Variants in ZNF148 observed in about 807,000 individuals in gnomAD.
ZNF148 encodes zinc finger protein 148, also known as Beta-Enolase Repressor Factor-1.
A neutral mutation model predicts 67.7 loss-of-function variants in ZNF148; 7 were observed. That is an observed-to-expected ratio of 0.10 (90% CI 0.06 to 0.19). ZNF148 has a LOEUF of 0.19. ZNF148 is among the 10% of genes least tolerant of loss of function. The probability of loss-of-function intolerance (pLI) is 1.00; values close to 1 mark genes in which losing one functional copy is unlikely to be tolerated. For synonymous variants in ZNF148, 333 were observed against 330.7 expected (o/e 1.01, Z -0.08); for missense variants, 583 against 947.1 (o/e 0.62, Z 5.05).
intron 7 of ZNF148, among the ~76,000 whole-genome samples, chr3:125,243,416 A>G (rs1030026468): frequency 6.6e-6 from 1 of 152,176 alleles, no homozygotes; most frequent in Non-Finnish European, 1.5e-5. Flanking sequence ...CTTGCAGAAA[A>G]TATTTTTTAA....
At chr3:125,290,794 T>C (rs1365949872) in intron 4 of ZNF148, among the ~76,000 whole-genome samples, 1 of 151,992 alleles carries the variant, frequency 6.6e-6, no homozygotes, top group African/African-American at 2.4e-5. Flanking sequence ...AGACAGCACA[T>C]GTGTCATACT....
intron 1 of ZNF148, among the ~76,000 whole-genome samples, chr3:125,361,661 T>C (rs1344008735): frequency 2.0e-5 from 3 of 152,044 alleles, no homozygotes; most frequent in Non-Finnish European, 4.4e-5. Context: ...GGTGAAACCC[T>C]GTCTCCTTTA....
At chr3:125,244,654 T>C (rs1177850481) in intron 7 of ZNF148, among the ~76,000 whole-genome samples, 5 of 152,130 alleles carry the variant, frequency 3.3e-5, no homozygotes, top group Non-Finnish European at 7.4e-5. Context: ...TGCACCACCA[T>C]GCCCAGCTTA....
At chr3:125,324,370 C>T (rs1230199373) in intron 2 of ZNF148, among the ~76,000 whole-genome samples, 1 of 151,944 alleles carries the variant, frequency 6.6e-6, no homozygotes, top group African/African-American at 2.4e-5. Context: ...ACAATAGAAA[C>T]GATTATGGTT....
chr3:125,228,599 A>C lies in ZNF148; in HGVS notation c.*3742T>G, dbSNP rs897653537. The C allele has an allele frequency of 6.6e-6, 1 of 152,644 alleles. No homozygotes were observed. Among genetic ancestry groups the C allele is most frequent in the African/African-American group, 2.4e-5 (1 of 41,460 alleles). 9.5% of individuals were successfully genotyped at this position (152,644 alleles called of 1,614,324 possible). On this transcript the variant is annotated 3_prime_UTR_variant, in exon 9 of 9. Transcript: ENST00000360647. Reference sequence around the variant, plus strand: ...AAGCAGTACTGTGATTTGTTTGTACATATTTACAGATTCTTAAAAACAAGC... The same window carrying C: ...AAGCAGTACTGTGATTTGTTTGTACCTATTTACAGATTCTTAAAAACAAGC...
At chr3:125,304,343 T>A (rs1010572055) in intron 4 of ZNF148, among the ~76,000 whole-genome samples, 2 of 151,930 alleles carry the variant, frequency 1.3e-5, no homozygotes, top group Non-Finnish European at 1.5e-5. Context: ...AAAAGCTAAG[T>A]GGGGTGAAGA....
intron 4 of ZNF148, among the ~76,000 whole-genome samples, chr3:125,302,435 T>G (rs371532126): frequency 1.3e-5 from 2 of 151,690 alleles, no homozygotes; most frequent in Non-Finnish European, 2.9e-5. Context: ...AACCCAGACC[T>G]GCCCTTTACC....
chr3:125,250,208 G>A (rs1249947061), intron 7 of ZNF148, among the ~76,000 whole-genome samples: 1 of 152,184 alleles, frequency 6.6e-6, no homozygotes, highest in Admixed American at 6.5e-5. Flanking sequence ...ATGTTCATTA[G>A]TTTGACTGTG....
chr3:125,373,799 A>G (rs1472137278), intron 1 of ZNF148, among the ~76,000 whole-genome samples: 1 of 152,224 alleles, frequency 6.6e-6, no homozygotes, highest in East Asian at 1.9e-4. Context: ...CACCAGCCAC[A>G]GATTTATGGA....
intron 1 of ZNF148, among the ~76,000 whole-genome samples, chr3:125,372,427 A>T (rs968433056): frequency 3.3e-5 from 5 of 152,260 alleles, no homozygotes; most frequent in Admixed American, 3.3e-4. Flanking sequence ...ATCAAAGGTC[A>T]GAAAGGAGGA....
In ZNF148 at chr3:125,322,605, G is replaced by A. The variant is rs112904609; in HGVS notation, c.-17+704C>T. 4.7e-4 allele frequency among the ~76,000 whole-genome samples: 71 copies of A among 152,068 alleles called. 1 individual carries two copies. Among genetic ancestry groups the A allele is most frequent in the African/African-American group, 1.6e-3 (67 of 41,478 alleles). Reference sequence around the variant, plus strand: ...AGCAGACACAATGGTAACCATCCTCGCCCACAATACAGAAACTGCATAGAA... The same window carrying A: ...AGCAGACACAATGGTAACCATCCTCACCCACAATACAGAAACTGCATAGAA... On this transcript the variant is annotated intron_variant, in intron 3 of 8. Transcript: ENST00000360647.
chr3:125,279,494 G>A (rs979388103), intron 5 of ZNF148, among the ~76,000 whole-genome samples: 7 of 151,982 alleles, frequency 4.6e-5, no homozygotes, highest in South Asian at 2.1e-4. Context: ...ATCTCATCAC[G>A]GCCTTCTCCT....
chr3:125,259,573 A>G (rs781299654), intron 7 of ZNF148, among the ~76,000 whole-genome samples: 1 of 152,236 alleles, frequency 6.6e-6, no homozygotes, highest in Non-Finnish European at 1.5e-5. Flanking sequence ...TGCATGTAAA[A>G]CATGTAAAAG....
At chr3:125,326,671 G>GTATA (rs149041632) in intron 2 of ZNF148, among the ~76,000 whole-genome samples, 13 of 145,010 alleles carry the variant, frequency 9.0e-5, no homozygotes, top group African/African-American at 3.3e-4. Flanking sequence ...ATATATATGA[G>GTATA]TATATATATA....
At chr3:125,331,554 C>T (rs1257918113) in intron 1 of ZNF148, among the ~76,000 whole-genome samples, 1 of 152,100 alleles carries the variant, frequency 6.6e-6, no homozygotes, top group East Asian at 1.9e-4. Context: ...AATATCATAA[C>T]ATAGGAAGGA....
intron 7 of ZNF148, among the ~76,000 whole-genome samples, chr3:125,262,193 T>C (rs999518337): frequency 1.3e-5 from 2 of 152,250 alleles, no homozygotes; most frequent in Non-Finnish European, 2.9e-5. Context: ...TGTGATTTTA[T>C]CAAGCATTAT....
rs1489502762 is a variant in ZNF148 at position 125,229,655 on chromosome 3, ATG to A, written c.*2684_*2685del. 6.6e-6 allele frequency: 1 copy of A among 152,174 alleles called. No homozygotes were observed. The highest frequency in any genetic ancestry group is 1.5e-5 in the Non-Finnish European group (1 of 68,024). 9.4% of individuals were successfully genotyped at this position (152,174 alleles called of 1,614,324 possible). A position where few individuals can be genotyped will look rare whatever the true frequency, so the allele number is the denominator to read the frequency against. ...ATCAAAAGTTTAAGGGTGTACCAGCATGTTTTTATAGAACAATGTGCTCACTT... is the reference window on the plus strand; with the variant it reads ...ATCAAAAGTTTAAGGGTGTACCAGCATTTTTATAGAACAATGTGCTCACTT... On this transcript the variant is annotated 3_prime_UTR_variant, in exon 9 of 9. Transcript: ENST00000360647.
intron 1 of ZNF148, among the ~76,000 whole-genome samples, chr3:125,350,466 G>A (rs953556237): frequency 6.6e-6 from 1 of 152,126 alleles, no homozygotes; most frequent in Non-Finnish European, 1.5e-5. Flanking sequence ...CCACCACCAT[G>A]GATTTTTGAG....
At chr3:125,345,476 C>T (rs1941906006) in intron 1 of ZNF148, among the ~76,000 whole-genome samples, 1 of 151,324 alleles carries the variant, frequency 6.6e-6, no homozygotes, top group African/African-American at 2.4e-5. Context: ...TAAAAAAGAG[C>T]AAAATGAAGC....
Sources: allele counts gnomAD v4.1 joint callset (sites outside exome capture counted in the v4.1 genomes callset), GRCh38; gene constraint gnomAD v4.1.1; transcripts MANE v1.5; gene names NCBI Gene and HGNC (gene_info 2026-07-23, HGNC 2026-07-21).